EIF4E2: variants seen among roughly 807,000 people sequenced by gnomAD.
The protein encoded by EIF4E2 is eukaryotic translation initiation factor 4E type 2.
EIF4E2 carries 13 observed loss-of-function variants against 34.2 expected under a neutral mutation model. The ratio of observed to expected loss-of-function variants is 0.38; its 90% confidence interval spans 0.25 to 0.60. The LOEUF is 0.60. Ranked by LOEUF, EIF4E2 falls within the 20% of genes least tolerant of loss-of-function variation. EIF4E2 has a pLI of 0.62. For missense variants in EIF4E2, 222 were observed against 315.1 expected (o/e 0.70, Z 2.24); for synonymous variants, 100 against 106.6 (o/e 0.94, Z 0.38).
chr2:232,565,062 A>G (rs3791715), intron 4 of EIF4E2, among the ~76,000 whole-genome samples: 6,507 of 152,274 alleles, frequency 0.043, 384 homozygotes, highest in African/African-American at 0.12. Flanking sequence ...CAGAGCCAGT[A>G]TTCGGCTGCG....
chr2:232,579,809 C>CT (rs1017013063), intron 6 of EIF4E2, among the ~76,000 whole-genome samples: 1 of 152,124 alleles, frequency 6.6e-6, no homozygotes, highest in African/African-American at 2.4e-5. Flanking sequence ...AAAGCCAGAG[C>CT]TTCTAGAATG....
At chr2:232,553,481 G>A (rs2106233442) in intron 1 of EIF4E2, among the ~76,000 whole-genome samples, 1 of 152,284 alleles carries the variant, frequency 6.6e-6, no homozygotes, top group African/African-American at 2.4e-5. Context: ...CCAAGGTCCT[G>A]CCCACAAGGT....
downstream of EIF4E2, chr2:232,573,965 C>T: frequency 1.7e-6 from 1 of 584,202 alleles, no homozygotes; most frequent in Non-Finnish European, 3.2e-6. Flanking sequence ...CAGCTCTGAC[C>T]TTACTGGCCT....
intron 6 of EIF4E2, chr2:232,568,520 G>T (rs1693011835): frequency 1.1e-6 from 1 of 903,374 alleles, no homozygotes. Flanking sequence ...TTCAGTCCAG[G>T]CTGGAGAGAT....
At chr2:232,564,651 C>T (rs1252895890) in intron 4 of EIF4E2, among the ~76,000 whole-genome samples, 1 of 152,194 alleles carries the variant, frequency 6.6e-6, no homozygotes, top group East Asian at 1.9e-4. Context: ...CGGAGTTTCA[C>T]CGTGTTAGCC....
intron 1 of EIF4E2, among the ~76,000 whole-genome samples, chr2:232,551,987 T>C (rs529816842): frequency 4.6e-5 from 7 of 152,246 alleles, no homozygotes; most frequent in African/African-American, 1.7e-4. Flanking sequence ...CCCCATTTCA[T>C]CTCTATTGTA....
downstream of EIF4E2, chr2:232,574,069 C>T (rs1209304549): frequency 4.2e-6 from 3 of 718,758 alleles, no homozygotes; most frequent in African/African-American, 1.7e-5. Context: ...CCCGCTGGCC[C>T]TGAAAGGGTA....
rs769278647 is a variant in EIF4E2 at position 232,567,296 on chromosome 2, C to T, written c.665+82C>T. ...GTAGTTGGGCCCAGAGGAATATGGCCGGACAGGAGACTTACTTGTGGAGAA... is the reference window on the plus strand; with the variant it reads ...GTAGTTGGGCCCAGAGGAATATGGCTGGACAGGAGACTTACTTGTGGAGAA... On this transcript the variant is annotated intron_variant, in intron 6 of 6. Transcript: ENST00000258416. 17 of 1,581,170 alleles carry T rather than the reference C, an allele frequency of 1.1e-5. No homozygotes were observed. The East Asian group carries it at 1.4e-4, about 13-fold the overall frequency.
At chr2:232,551,228 T>TTGCTG (rs142156571) in intron 1 of EIF4E2, 9,300 of 475,840 alleles carry the variant, frequency 0.02, 233 homozygotes, top group Admixed American at 0.058. Flanking sequence ...GGTAATGTGG[T>TTGCTG]TGCTGCCCTC....
At chr2:232,556,165 G>A (rs531096477) in intron 1 of EIF4E2, among the ~76,000 whole-genome samples, 1 of 152,214 alleles carries the variant, frequency 6.6e-6, no homozygotes, top group East Asian at 1.9e-4. Context: ...CCCTTTAACT[G>A]GTTCTTTGTG....
chr2:232,550,808 C>A, intron 1 of EIF4E2, 64 bp downstream of exon 1: 1 of 1,441,772 alleles, frequency 6.9e-7, no homozygotes, highest in Non-Finnish European at 9.3e-7. Flanking sequence ...CCCGCCCCCG[C>A]TGGGGCTGGG....
chr2:232,556,693 T>C, intron 2 of EIF4E2, 163 bp downstream of exon 2: 1 of 599,898 alleles, frequency 1.7e-6, no homozygotes, highest in Non-Finnish European at 3.0e-6. Flanking sequence ...GATGTTCATT[T>C]TCAGACCTAG....
intron 4 of EIF4E2, among the ~76,000 whole-genome samples, chr2:232,564,655 G>T (rs1692850951): frequency 6.6e-6 from 1 of 152,194 alleles, no homozygotes; most frequent in African/African-American, 2.4e-5. Context: ...GTTTCACCGT[G>T]TTAGCCAGGA....
In EIF4E2 at chr2:232,569,120, G is replaced by T; in HGVS notation, c.*103G>T. The T allele has an allele frequency of 1.3e-6, 2 of 1,523,678 alleles. No homozygotes were observed. Among genetic ancestry groups the T allele is most frequent in the Admixed American group, 2.2e-5 (1 of 45,282 alleles). The allele number at this position is 1,523,678 out of a possible 1,614,324, so 94.4% of individuals were successfully genotyped here. ...AAGATCCTTCTGTCCTGGACAAGAG[G>T]AATTGGAAGAGCATTTTATGTTTTA... On this transcript the variant is annotated 3_prime_UTR_variant, in exon 7 of 7. Transcript: ENST00000258416.
At chr2:232,565,985 A>G (rs1270231833) in intron 4 of EIF4E2, among the ~76,000 whole-genome samples, 1 of 151,088 alleles carries the variant, frequency 6.6e-6, no homozygotes, top group East Asian at 2.0e-4. Flanking sequence ...CCAGCTACCC[A>G]GGAGGCAGAG....
rs1186616967 is a variant in EIF4E2 at position 232,567,143 on chromosome 2, C to T, written c.594C>T (p.Asp198=). ...SDQATTARIR[D]TLRRVLNLPP... is the part of the protein sequence containing the mutation. ...AAGCAACCACAGCCCGAATCCGGGA[C>T]ACACTTCGGCGAGTGCTTAACCTAC... The change falls in exon 6 of 7, where the codon GAC becomes GAT. Residue 198 remains aspartate, a synonymous_variant. Coordinates refer to ENST00000258416, the MANE Select transcript of EIF4E2 (RefSeq NM_004846.4). The T allele has an allele frequency of 6.2e-7, 1 of 1,614,196 alleles. No individual in the cohort carries two copies. The highest frequency in any genetic ancestry group is 1.3e-5 in the African/African-American group (1 of 75,040).
chr2:232,556,409 C>T lies in EIF4E2; in HGVS notation c.21-7C>T. The T allele has an allele frequency of 6.2e-7, 1 of 1,606,986 alleles. No homozygotes were observed. The highest frequency in any genetic ancestry group is 8.5e-7 in the Non-Finnish European group (1 of 1,174,144). ...ACAGAATTGTATTGTGTTGCCTTTC[C>T]ATTCAGTTTGAAAGATGATGACAGT... On this transcript the variant is annotated splice_polypyrimidine_tract_variant and splice_region_variant and intron_variant, in intron 1 of 6. Transcript: ENST00000258416.
chr2:232,552,904 T>G (rs1239275890), intron 1 of EIF4E2, among the ~76,000 whole-genome samples: 1 of 152,228 alleles, frequency 6.6e-6, no homozygotes, highest in Non-Finnish European at 1.5e-5. Flanking sequence ...TCAGAAATTC[T>G]GCGGTGTTTA....
downstream of EIF4E2, chr2:232,573,976 C>T: frequency 8.1e-6 from 5 of 617,160 alleles, no homozygotes; most frequent in South Asian, 6.5e-5. Flanking sequence ...TTACTGGCCT[C>T]CCCTGGAGCC....
Sources: allele counts gnomAD v4.1 joint callset (sites outside exome capture counted in the v4.1 genomes callset), GRCh38; gene constraint gnomAD v4.1.1; transcripts MANE v1.5; gene names NCBI Gene and HGNC (gene_info 2026-07-23, HGNC 2026-07-21).